SLC45A3: variants seen among roughly 807,000 people sequenced by gnomAD.
SLC45A3 encodes prostate cancer associated protein 2.
SLC45A3 carries 17 observed loss-of-function variants against 35.3 expected under a neutral mutation model. The ratio of observed to expected loss-of-function variants is 0.48; its 90% CI spans 0.33 to 0.72. The LOEUF (loss-of-function observed/expected upper bound fraction) is 0.72. SLC45A3 is among the 30% of genes least tolerant of loss of function. The pLI is 0.02. For synonymous variants in SLC45A3, 288 were observed against 334.3 expected (o/e 0.86, Z 1.51); for missense variants, 597 against 731.7 (o/e 0.82, Z 2.12).
chr1:205,673,745 A>G (rs956410216), intron 1 of SLC45A3, among the ~76,000 whole-genome samples: 4 of 152,228 alleles, frequency 2.6e-5, no homozygotes. Context: ...AGTCAGACTC[A>G]GTACTCTGCA....
At chr1:205,677,820 C>A (rs1571545817) in intron 1 of SLC45A3, among the ~76,000 whole-genome samples, 2 of 152,232 alleles carry the variant, frequency 1.3e-5, no homozygotes, top group Admixed American at 1.3e-4. Flanking sequence ...ATTCTATATA[C>A]AATATTTAAT....
chr1:205,661,827 C>T (rs1446037136), intron 4 of SLC45A3, 34 bp downstream of exon 4: 2 of 1,590,958 alleles, frequency 1.3e-6, no homozygotes, highest in East Asian at 2.2e-5. Context: ...GACCACCCCT[C>T]CCACCCTGAC....
At chr1:205,677,015 G>C (rs754491626) in intron 1 of SLC45A3, among the ~76,000 whole-genome samples, 1 of 152,186 alleles carries the variant, frequency 6.6e-6, no homozygotes, top group African/African-American at 2.4e-5. Flanking sequence ...GTTGGGGAGG[G>C]AGGACAGAGC....
At chr1:205,673,585 G>A (rs187512243) in intron 1 of SLC45A3, among the ~76,000 whole-genome samples, 33 of 152,334 alleles carry the variant, frequency 2.2e-4, no homozygotes, top group South Asian at 1.7e-3. Flanking sequence ...CAGATGGGCA[G>A]TGCCCTGCAC....
intron 1 of SLC45A3, among the ~76,000 whole-genome samples, chr1:205,671,649 A>G (rs1671215970): frequency 6.6e-6 from 1 of 152,200 alleles, no homozygotes; most frequent in Non-Finnish European, 1.5e-5. Flanking sequence ...ACCTGAGGTC[A>G]AGAAGTTTGA....
In SLC45A3 at chr1:205,659,154, G is replaced by T; in HGVS notation, c.*80C>A. ...AGCAACAGAAACTGGCGGCCAGCCC[G>T]GCAGCCCCATGGGGCTAACAGGAGC... On this transcript the variant is annotated 3_prime_UTR_variant, in exon 5 of 5. Transcript: ENST00000367145. This position sits in a 1 kb window ranked among gnomAD's most constrained non-coding sequence, Gnocchi z 5.8. 3 of 1,447,462 alleles carry T rather than the reference G, an allele frequency of 2.1e-6. No homozygotes were observed. The South Asian group carries it at 4.0e-5, about 20-fold the overall frequency. 89.7% of individuals were successfully genotyped at this position (1,447,462 alleles called of 1,614,324 possible).
At position 205,658,034 on chromosome 1, in the gene SLC45A3, T is replaced by C. The variant is rs1253017753; in HGVS notation, c.*1200A>G. 2 of 227,932 alleles carry C rather than the reference T, an allele frequency of 8.8e-6. No individual in the cohort carries two copies. Among genetic ancestry groups the C allele is most frequent in the Non-Finnish European group, 1.7e-5 (2 of 114,486 alleles). 14.1% of individuals were successfully genotyped at this position (227,932 alleles called of 1,614,324 possible). A position where few individuals can be genotyped will look rare whatever the true frequency, so the allele number is the denominator to read the frequency against. On this transcript the variant is annotated 3_prime_UTR_variant, in exon 5 of 5. Transcript: ENST00000367145. The stretch of plus-strand genomic sequence containing the variant: ...CAGGGGGTGCTCCTGAGTTTCTGTG[T>C]GAGATTCCCCAAGCACAGATATACT...
At chr1:205,676,895 T>TGGTCC (rs1454435674) in intron 1 of SLC45A3, among the ~76,000 whole-genome samples, 2 of 152,174 alleles carry the variant, frequency 1.3e-5, no homozygotes, top group African/African-American at 2.4e-5. Context: ...TGGTACCAGC[T>TGGTCC]GGTCCAGTCT....
chr1:205,663,639 T>C (rs750432341), intron 2 of SLC45A3, 21 bp from the exon 3 acceptor site: 124 of 1,541,196 alleles, frequency 8.0e-5, no homozygotes, highest in Non-Finnish European at 1.0e-4. Context: ...GGAAGTAGTA[T>C]GAGTCAATGG....
intron 1 of SLC45A3, among the ~76,000 whole-genome samples, chr1:205,679,619 G>A (rs929288971): frequency 1.3e-5 from 2 of 151,786 alleles, no homozygotes; most frequent in East Asian, 1.9e-4. Flanking sequence ...CCTGGGAGGC[G>A]AGGAGAAAAC....
chr1:205,675,395 A>C (rs1367682029), intron 1 of SLC45A3, among the ~76,000 whole-genome samples: 1 of 152,178 alleles, frequency 6.6e-6, no homozygotes, highest in Non-Finnish European at 1.5e-5. Flanking sequence ...GAAGAGAATA[A>C]GGGGTAAGAG....
chr1:205,677,300 C>T (rs1011350055), intron 1 of SLC45A3, among the ~76,000 whole-genome samples: 2 of 152,184 alleles, frequency 1.3e-5, no homozygotes, highest in African/African-American at 4.8e-5. Context: ...ACTGCAGATG[C>T]GTCCTTCGTA....
Position 205,663,092 on chromosome 1 carries a change from C to T in SLC45A3, c.699G>A (p.Ser233=), listed in dbSNP as rs528961181. Residue 233 remains serine (S), a synonymous_variant, in exon 3 of 5, where the codon TCG becomes TCA. Coordinates refer to ENST00000367145, the MANE Select transcript of SLC45A3 (RefSeq NM_033102.3). ...LGPTEPAEGL[S]APSLSPHCCP... ...AGCAGTGGGGCGACAAGGAGGGGGC[C>T]GACAGCCCTTCTGCTGGCTCGGTGG... The T allele has an allele frequency of 3.3e-5, 52 of 1,578,680 alleles. No individual in the cohort carries two copies. Among genetic ancestry groups the T allele is most frequent in the Middle Eastern group, 3.3e-4 (2 of 5,996 alleles).
chr1:205,672,147 T>C (rs1234358245), intron 1 of SLC45A3, among the ~76,000 whole-genome samples: 1 of 152,098 alleles, frequency 6.6e-6, no homozygotes, highest in African/African-American at 2.4e-5. Context: ...GGCTTTCTCA[T>C]TCCCAAACAG....
chr1:205,664,028 G>C lies in SLC45A3; in HGVS notation c.173-410C>G, dbSNP rs1671075184. On this transcript the variant is annotated intron_variant, in intron 2 of 4. Coordinates refer to ENST00000367145, the MANE Select transcript of SLC45A3 (RefSeq NM_033102.3). This position sits in a 1 kb window ranked among gnomAD's most constrained non-coding sequence, Gnocchi z 5.3. ...AGTCAGGAGTCCACCCCTTGTCCTA[G>C]GGGTAGGAGCAAGCTCCGGCTGGGA... Among the ~76,000 whole-genome samples, 1 of 152,140 alleles carries C rather than the reference G, an allele frequency of 6.6e-6. No individual in the cohort carries two copies. Among genetic ancestry groups the C allele is most frequent in the Admixed American group, 6.5e-5 (1 of 15,282 alleles).
Position 205,664,080 on chromosome 1 carries a change from G to C in SLC45A3, c.172+405C>G, listed in dbSNP as rs537899997. Among the ~76,000 whole-genome samples the C allele has an allele frequency of 1.2e-4, 18 of 152,268 alleles. No homozygotes were observed. The highest frequency in any genetic ancestry group is 3.9e-4 in the African/African-American group (16 of 41,550). ...ACCTTGATGGAGTCCCAGCTCTACT[G>C]TTCAGCTGCTATTTGGCTTTGGCTA... On this transcript the variant is annotated intron_variant, in intron 2 of 4. Transcript: ENST00000367145. The surrounding 1 kb of genome is among the most constrained non-coding windows in gnomAD (Gnocchi z 5.3).
At chr1:205,667,619 G>A (rs1437667186) in intron 1 of SLC45A3, among the ~76,000 whole-genome samples, 3 of 152,080 alleles carry the variant, frequency 2.0e-5, no homozygotes, top group African/African-American at 7.2e-5. Flanking sequence ...GATCTCCTGA[G>A]TCCAGGAGTT....
chr1:205,664,919 G>A lies in SLC45A3; in HGVS notation c.-230-33C>T. ...GGCGGGGCAATCACAAGCACACGGGGTGTTAAGTCCTGGGAGCCAGGTCTC... is the reference window on the plus strand; with the variant it reads ...GGCGGGGCAATCACAAGCACACGGGATGTTAAGTCCTGGGAGCCAGGTCTC... On this transcript the variant is annotated intron_variant, in intron 1 of 4. Transcript: ENST00000367145. This position sits in a 1 kb window ranked among gnomAD's most constrained non-coding sequence, Gnocchi z 5.3. The A allele has an allele frequency of 3.8e-6, 5 of 1,318,110 alleles. No individual in the cohort carries two copies. The highest frequency in any genetic ancestry group is 3.9e-6 in the Non-Finnish European group (4 of 1,034,836). 81.7% of individuals were successfully genotyped at this position (1,318,110 alleles called of 1,614,324 possible).
At chr1:205,675,315 G>A (rs973177828) in intron 1 of SLC45A3, among the ~76,000 whole-genome samples, 3 of 152,176 alleles carry the variant, frequency 2.0e-5, no homozygotes, top group African/African-American at 4.8e-5. Flanking sequence ...TGTATGGCTG[G>A]CTTTGGGGAG....
Sources: allele counts gnomAD v4.1 joint callset (sites outside exome capture counted in the v4.1 genomes callset), GRCh38; gene constraint gnomAD v4.1.1; non-coding constraint Gnocchi (gnomAD v3.1); transcripts MANE v1.5; gene names NCBI Gene and HGNC (gene_info 2026-07-23, HGNC 2026-07-21).